The following DNAH8 variants were observed in gnomAD, a reference collection of about 807,000 sequenced individuals.
DNAH8 encodes the protein dynein axonemal heavy chain 8, also known as axonemal beta dynein heavy chain 8.
Under a neutral mutation model 562.1 loss-of-function variants are expected in DNAH8, and 382 were observed. The observed-to-expected ratio is 0.68, with a 90% CI of 0.63 to 0.74. The LOEUF is 0.74. Ranked by LOEUF, DNAH8 falls within the 30% of genes least tolerant of loss-of-function variation. The pLI is 0.00. For missense variants in DNAH8, 5,203 were observed against 5,620.4 expected (o/e 0.93, Z 2.37); for synonymous variants, 1,881 against 1,919.4 (o/e 0.98, Z 0.52).
chr6:38,730,442 C>CT (rs1280336934), intron 4 of DNAH8, among the ~76,000 whole-genome samples: 1 of 152,202 alleles, frequency 6.6e-6, no homozygotes, highest in Non-Finnish European at 1.5e-5. Context: ...ATGCTACCAG[C>CT]TTGTTAAAAC....
chr6:38,954,836 G>A (rs72853762), intron 82 of DNAH8, among the ~76,000 whole-genome samples: 20,268 of 152,106 alleles, frequency 0.13, 1,626 homozygotes, highest in East Asian at 0.35. Flanking sequence ...ATCAAGGGGA[G>A]AAAAAGTAGA....
intron 91 of DNAH8, among the ~76,000 whole-genome samples, chr6:39,019,576 C>T (rs62398586): frequency 0.14 from 21,628 of 151,956 alleles, 1,694 homozygotes; most frequent in African/African-American, 0.2. Flanking sequence ...TCAGCAGCCT[C>T]GTATAGACGT....
intron 48 of DNAH8, 80 bp downstream of exon 48, chr6:38,868,276 A>T: frequency 7.2e-7 from 1 of 1,380,816 alleles, no homozygotes; most frequent in East Asian, 2.3e-5. Flanking sequence ...AGGTAGGCTG[A>T]TGTTGAGCTG....
rs1772018700 is a variant in DNAH8, at chr6:38,813,915, T to C, written c.3258-139T>C. 8.7e-6 allele frequency: 6 copies of C among 688,216 alleles called. No homozygotes were observed. The Middle Eastern group carries it at 8.8e-4, about 101-fold the overall frequency. 42.6% of individuals were successfully genotyped at this position (688,216 alleles called of 1,614,324 possible). On this transcript the variant is annotated intron_variant, in intron 24 of 92. Coordinates refer to ENST00000327475, the MANE Select transcript of DNAH8 (RefSeq NM_001206927.2). ...CTTAGTTCTCTGCAATTTAGGGTTC[T>C]GTTATAAGTAATATTCTCTTTGTGT... is the stretch of plus-strand genomic sequence containing the variant.
rs1283738605 is a variant in DNAH8, at chr6:38,803,303, A to G, written c.3026A>G (p.Lys1009Arg). ...GTGAAATACACTGGGAAAGTAGGAA[A>G]ACAGTCAGGTAACTTTTCTCGTTAC... is the stretch of plus-strand genomic sequence containing the variant. ...YEVKYTGKVGKQSEQRKHVVF... is the reference protein window; with the variant it reads ...YEVKYTGKVGRQSEQRKHVVF... Residue 1009 changes from lysine to arginine, a missense_variant, in exon 22 of 93, where the codon AAA (lysine) becomes AGA (arginine). By Grantham distance (26) the Lys-to-Arg change is conservative. This residue lies in a region of DNAH8 where 2,176 missense variants were observed against 2,365.1 expected (regional missense o/e 0.92). Coordinates refer to ENST00000327475, the MANE Select transcript of DNAH8 (RefSeq NM_001206927.2). The G allele has an allele frequency of 1.2e-6, 2 of 1,600,178 alleles. No individual in the cohort carries two copies. Among genetic ancestry groups the G allele is most frequent in the African/African-American group, 2.7e-5 (2 of 74,368 alleles).
At chr6:38,730,337 C>T (rs1623375) in intron 4 of DNAH8, among the ~76,000 whole-genome samples, 85,405 of 152,112 alleles carry the variant, frequency 0.56, 24,956 homozygotes, top group East Asian at 0.88. Flanking sequence ...GCAGCTACCC[C>T]CTGTGGTCCT....
At position 38,886,849 on chromosome 6, in the gene DNAH8, A is replaced by G; in HGVS notation, c.8318A>G (p.Lys2773Arg). 1 of 1,614,132 alleles carries G rather than the reference A, an allele frequency of 6.2e-7. No individual in the cohort carries two copies. Among genetic ancestry groups the G allele is most frequent in the Admixed American group, 1.7e-5 (1 of 60,022 alleles). ...ATGGAAGGAATGTACAGCTTGGACA[A>G]GCCTGGAGACTTCACTACTATTGTT... ...MEMEGMYSLDKPGDFTTIVDV... is the reference protein window; with the variant it reads ...MEMEGMYSLDRPGDFTTIVDV... The change falls in exon 57 of 93, where the codon AAG (lysine) becomes AGG (arginine). Residue 2773 changes from lysine (K) to arginine (R), a missense_variant. This residue lies in a region of DNAH8 where 977 missense variants were observed against 1,061.8 expected (regional missense o/e 0.92). Transcript: ENST00000327475.
intron 88 of DNAH8, among the ~76,000 whole-genome samples, chr6:39,001,591 T>C (rs1484889333): frequency 2.6e-5 from 4 of 152,014 alleles, no homozygotes; most frequent in Non-Finnish European, 2.9e-5. Context: ...GAATGCTTGA[T>C]GAGCTTCAGG....
chr6:38,917,780 G>C (rs528538528), intron 69 of DNAH8, 145 bp from the exon 70 acceptor site: 1 of 601,226 alleles, frequency 1.7e-6, no homozygotes, highest in South Asian at 2.7e-5. Flanking sequence ...ACAGATTTAG[G>C]TTGGCTACTG....
chr6:38,881,890 A>T (rs906377764), intron 53 of DNAH8, among the ~76,000 whole-genome samples: 4 of 152,118 alleles, frequency 2.6e-5, no homozygotes, highest in Non-Finnish European at 5.9e-5. Flanking sequence ...TATATCTAGT[A>T]AACGGTTGAC....
Position 38,722,862 on chromosome 6 carries a change from C to G in DNAH8, c.53C>G (p.Pro18Arg), listed in dbSNP as rs1762872242. 1 of 1,611,222 alleles carries G rather than the reference C, an allele frequency of 6.2e-7. No homozygotes were observed. ...CCTTCTGAGGGAGCAGAGGCTCCTCCCTCTACGGAAGAGGCTGCCCCTCCC... is the reference window on the plus strand; with the variant it reads ...CCTTCTGAGGGAGCAGAGGCTCCTCGCTCTACGGAAGAGGCTGCCCCTCCC... Reference protein sequence around the residue: ...GAPSEGAEAPPSTEEAAPPRS... With the variant: ...GAPSEGAEAPRSTEEAAPPRS... The change falls in exon 2 of 93, where the codon CCC (proline) becomes CGC (arginine). Residue 18 changes from proline (P) to arginine (R), a missense_variant. Pro to Arg is a moderately radical substitution (Grantham distance 103). This residue lies in a region of DNAH8 where 556 missense variants were observed against 496.9 expected (regional missense o/e 1.12). Transcript: ENST00000327475.
At chr6:38,842,945 A>T in intron 35 of DNAH8, 42 bp downstream of exon 35, 1 of 1,594,184 alleles carries the variant, frequency 6.3e-7, no homozygotes, top group Non-Finnish European at 8.5e-7. Flanking sequence ...CCATTAAAGA[A>T]TGTCTGCTTT....
intron 87 of DNAH8, among the ~76,000 whole-genome samples, chr6:38,984,914 C>T (rs1249746079): frequency 1.3e-5 from 2 of 152,294 alleles, no homozygotes; most frequent in South Asian, 2.1e-4. Flanking sequence ...GTGCCCAGGG[C>T]CTCTCCCCCA....
chr6:38,787,346 G>A (rs1222003507), intron 18 of DNAH8, among the ~76,000 whole-genome samples: 2 of 151,800 alleles, frequency 1.3e-5, no homozygotes, highest in Admixed American at 1.3e-4. Context: ...AACATTGTGG[G>A]GCAAAAAGGA....
At chr6:38,811,880 C>A (rs1233658636) in intron 24 of DNAH8, among the ~76,000 whole-genome samples, 1 of 152,120 alleles carries the variant, frequency 6.6e-6, no homozygotes, top group Non-Finnish European at 1.5e-5. Context: ...GGTCTTATTT[C>A]TTCACAGTTA....
intron 29 of DNAH8, 96 bp from the exon 30 acceptor site, chr6:38,828,088 C>A: frequency 3.8e-6 from 3 of 794,266 alleles, no homozygotes; most frequent in Non-Finnish European, 6.2e-6. Flanking sequence ...ATGCTGTCTT[C>A]TTCTAAGACA....
At chr6:38,866,501 T>C (rs1342011411) in intron 45 of DNAH8, 90 bp from the exon 46 acceptor site, 5 of 922,116 alleles carry the variant, frequency 5.4e-6, no homozygotes, top group Non-Finnish European at 8.1e-6. Context: ...AATACCATCT[T>C]AAAATCTGAA....
chr6:38,817,275 A>C (rs2150324519), intron 26 of DNAH8, among the ~76,000 whole-genome samples: 1 of 152,272 alleles, frequency 6.6e-6, no homozygotes, highest in East Asian at 1.9e-4. Context: ...AACCAGAGAC[A>C]GAGGTTGCAG....
intron 26 of DNAH8, among the ~76,000 whole-genome samples, chr6:38,818,242 T>C (rs2150326332): frequency 6.6e-6 from 1 of 152,182 alleles, no homozygotes; most frequent in East Asian, 1.9e-4. Context: ...TTTTTTTATG[T>C]TTAGTCCAAT....
Sources: gnomAD v4.1 joint callset for allele counts (sites outside exome capture counted in the v4.1 genomes callset) on GRCh38, gnomAD v4.1.1 for gene constraint, gnomAD v4.1.1 regional missense constraint, MANE v1.5 for transcripts, NCBI Gene and HGNC (gene_info 2026-07-23, HGNC 2026-07-21) for gene names.